MAP3K15: variants seen among roughly 807,000 people sequenced by gnomAD.
MAP3K15 encodes the protein MAPK/ERK kinase kinase 15.
A neutral mutation model predicts 99.5 loss-of-function variants in MAP3K15; 124 were observed. The ratio of observed to expected loss-of-function variants is 1.25; its 90% CI spans 1.08 to 1.45. The LOEUF (loss-of-function observed/expected upper bound fraction) is 1.45, where lower values mean the gene tolerates loss of function less well. Ranked by LOEUF, MAP3K15 falls within the 40% of genes most tolerant of loss-of-function variation. MAP3K15 has a pLI of 0.00. For synonymous variants in MAP3K15, 494 were observed against 439.6 expected, an observed-to-expected ratio of 1.12 and a Z score of -1.55; for missense variants, 1,242 against 1,079.7, an observed-to-expected ratio of 1.15 and a Z score of -2.11.
At chrX:19,416,799 T>G (rs1043092688) in intron 9 of MAP3K15, among the ~76,000 whole-genome samples, 1 of 112,103 alleles carries the variant, frequency 8.9e-6, no homozygotes, top group African/African-American at 3.2e-5. Flanking sequence ...CAGTCAACAG[T>G]AGGCTATTCG....
intron 3 of MAP3K15, among the ~76,000 whole-genome samples, chrX:19,476,093 C>T (rs1017744259): frequency 8.9e-6 from 1 of 112,123 alleles, no homozygotes. Flanking sequence ...TTTGTACCAG[C>T]GAACTTCATA....
intron 1 of MAP3K15, among the ~76,000 whole-genome samples, chrX:19,509,755 G>A (rs1483106773): frequency 1.8e-5 from 2 of 111,347 alleles, no homozygotes; most frequent in African/African-American, 6.5e-5. Flanking sequence ...GAGCAGAACT[G>A]AAGGAAATAG....
intron 13 of MAP3K15, among the ~76,000 whole-genome samples, chrX:19,404,938 T>C (rs1215315588): frequency 9.0e-6 from 1 of 110,850 alleles, no homozygotes; most frequent in East Asian, 2.8e-4. Flanking sequence ...ATAAAAACCA[T>C]AGAACACCTC....
chrX:19,457,867 C>A (rs1475804663), intron 5 of MAP3K15, among the ~76,000 whole-genome samples: 1 of 111,727 alleles, frequency 9.0e-6, no homozygotes, highest in Non-Finnish European at 1.9e-5. Context: ...CTGGAAGCCA[C>A]AGCACACCAC....
intron 3 of MAP3K15, among the ~76,000 whole-genome samples, chrX:19,467,060 T>A (rs2064174152): frequency 9.0e-6 from 1 of 111,622 alleles, no homozygotes; most frequent in South Asian, 3.8e-4. Context: ...CCCAAACAAT[T>A]CTTCTTCCTC....
intron 6 of MAP3K15, among the ~76,000 whole-genome samples, chrX:19,434,110 T>C (rs2063904861): frequency 8.9e-6 from 1 of 112,582 alleles, no homozygotes. Flanking sequence ...AGGATACATA[T>C]TAAAATGTTC....
Position 19,391,992 on chromosome X carries a change from G to A in MAP3K15, c.2431+10C>T, listed in dbSNP as rs1602265902. The A allele has an allele frequency of 1.9e-5, 22 of 1,178,274 alleles. No individual in the cohort carries two copies. Among genetic ancestry groups the A allele is most frequent in the Non-Finnish European group, 2.4e-5 (21 of 865,944 alleles). On this transcript the variant is annotated intron_variant, in intron 18 of 28. Transcript: ENST00000338883. ...GATGGGCACCCTGTGCCAAGCTTTG[G>A]TCCACTTACCAGTAAAAGTCTCTGT...
intron 3 of MAP3K15, among the ~76,000 whole-genome samples, chrX:19,474,211 A>C (rs1294567575): frequency 8.9e-6 from 1 of 111,906 alleles, no homozygotes; most frequent in Non-Finnish European, 1.9e-5. Context: ...ATTGTTTTTC[A>C]CATTTGTGAA....
chrX:19,380,195 G>A lies in MAP3K15; in HGVS notation c.2514C>T (p.Gly838=). 8.3e-7 allele frequency: 1 copy of A among 1,206,997 alleles called. No individual in the cohort carries two copies. The highest frequency in any genetic ancestry group is 1.1e-6 in the Non-Finnish European group (1 of 893,346). ...TGGTGGCCATCTCAATGATGGTGCAGCCCAGGGACCAGATATCGGCTGGGG... is the reference window on the plus strand; with the variant it reads ...TGGTGGCCATCTCAATGATGGTGCAACCCAGGGACCAGATATCGGCTGGGG... The part of the protein sequence containing the change: ...YGAPADIWSL[G]CTIIEMATSK... The change falls in exon 19 of 29, where the codon GGC becomes GGT. Residue 838 remains glycine, a synonymous_variant. Transcript: ENST00000338883.
chrX:19,377,206 T>C (rs1051431863), intron 19 of MAP3K15, among the ~76,000 whole-genome samples: 1 of 112,714 alleles, frequency 8.9e-6, no homozygotes, highest in Non-Finnish European at 1.9e-5. Context: ...AACTTTCTCA[T>C]TGGCAATGAA....
chrX:19,483,017 C>T (rs767801869), intron 3 of MAP3K15, among the ~76,000 whole-genome samples: 3 of 109,475 alleles, frequency 2.7e-5, no homozygotes, highest in East Asian at 2.9e-4. Flanking sequence ...GGGAGGCCAA[C>T]GCGGGCGGAT....
chrX:19,425,529 A>C lies in MAP3K15; in HGVS notation c.1439+2T>G, dbSNP rs750424595. On this transcript the variant is annotated splice_donor_variant, in intron 9 of 28. Coordinates refer to ENST00000338883, the MANE Select transcript of MAP3K15 (RefSeq NM_001001671.4). LOFTEE classifies it high-confidence loss of function. ...TGATGACAACACACAGACACAACTC[A>C]CCAGACTGGAGGTTTCAGTTTGAAC... The C allele has an allele frequency of 8.4e-7, 1 of 1,194,422 alleles. No individual in the cohort carries two copies. The highest frequency in any genetic ancestry group is 1.8e-5 in the South Asian group (1 of 55,592).
intron 6 of MAP3K15, among the ~76,000 whole-genome samples, chrX:19,447,883 CAAAA>C (rs753152404): frequency 0.098 from 2,536 of 25,907 alleles, 189 homozygotes; most frequent in African/African-American, 0.29. Flanking sequence ...GACTCCGTCT[CAAAA>C]AAAAAAAAAA....
At chrX:19,493,587 T>C (rs2064382253) in intron 1 of MAP3K15, among the ~76,000 whole-genome samples, 1 of 111,510 alleles carries the variant, frequency 9.0e-6, no homozygotes, top group African/African-American at 3.3e-5. Flanking sequence ...TTTTATTCTA[T>C]ACAAAGAAAA....
intron 6 of MAP3K15, among the ~76,000 whole-genome samples, chrX:19,445,277 T>C (rs918661194): frequency 9.1e-6 from 1 of 110,087 alleles, no homozygotes; most frequent in Non-Finnish European, 1.9e-5. Context: ...ACTCTAGACA[T>C]GTATTAAAAG....
chrX:19,433,452 T>A (rs754395193), intron 6 of MAP3K15, among the ~76,000 whole-genome samples: 1 of 111,121 alleles, frequency 9.0e-6, no homozygotes, highest in Admixed American at 9.7e-5. Context: ...CCCTTAGACA[T>A]CAGAGTTCCT....
At chrX:19,398,197 C>T in intron 15 of MAP3K15, 29 bp downstream of exon 15, 1 of 1,209,384 alleles carries the variant, frequency 8.3e-7, no homozygotes, top group Non-Finnish European at 1.1e-6. Flanking sequence ...AGACGGCACC[C>T]GAAATGCGGA....
intron 6 of MAP3K15, among the ~76,000 whole-genome samples, chrX:19,443,071 C>T (rs1306853704): frequency 2.8e-5 from 2 of 70,683 alleles, no homozygotes; most frequent in East Asian, 5.2e-4. Context: ...CTCGCTCTGT[C>T]GCCCAGACTG....
At chrX:19,443,929 T>C (rs1376522163) in intron 6 of MAP3K15, among the ~76,000 whole-genome samples, 1 of 111,427 alleles carries the variant, frequency 9.0e-6, no homozygotes, top group Non-Finnish European at 1.9e-5. Flanking sequence ...CCAAGAAGCC[T>C]TCCCCCAAAT....
Sources: allele counts gnomAD v4.1 joint callset (sites outside exome capture counted in the v4.1 genomes callset), GRCh38; gene constraint gnomAD v4.1.1; transcripts MANE v1.5; gene names NCBI Gene and HGNC (gene_info 2026-07-23, HGNC 2026-07-21).